Variants in ABHD11 observed in about 807,000 individuals in gnomAD.
ABHD11 encodes the protein sn-1-specific diacylglycerol lipase ABHD11.
Under a neutral mutation model 29.0 loss-of-function variants are expected in ABHD11, and 26 were observed. The ratio of observed to expected loss-of-function variants is 0.90; its 90% CI spans 0.66 to 1.24. The LOEUF is 1.24. Among genes scored for constraint, ABHD11 ranks in the 50% most tolerant of loss-of-function variants. ABHD11 has a pLI of 0.00. For missense variants in ABHD11, 381 were observed against 422.4 expected (o/e 0.90, Z 0.86); for synonymous variants, 169 against 166.4 (o/e 1.02, Z -0.12).
Position 73,736,543 on chromosome 7 carries a change from T to A in ABHD11, c.*16A>T, listed in dbSNP as rs1799888665. ...GCATGAGCCACCACGCCCGGCCATCTTCTTGCCAGCAACTCTTAGACCAGG... is the reference window on the plus strand; with the variant it reads ...GCATGAGCCACCACGCCCGGCCATCATCTTGCCAGCAACTCTTAGACCAGG... On this transcript the variant is annotated 3_prime_UTR_variant, in exon 6 of 6. Coordinates refer to ENST00000222800, the MANE Select transcript of ABHD11 (RefSeq NM_148912.4). The A allele has an allele frequency of 6.2e-7, 1 of 1,613,356 alleles. No individual in the cohort carries two copies. The highest frequency in any genetic ancestry group is 2.2e-5 in the East Asian group (1 of 44,872).
intron 3 of ABHD11, 65 bp from the exon 4 acceptor site, chr7:73,737,456 T>TG: frequency 6.4e-7 from 1 of 1,570,224 alleles, no homozygotes. Flanking sequence ...GCATGGCTCC[T>TG]GGAGCCTGAA....
chr7:73,738,272 A>G (rs1554622695), intron 2 of ABHD11, 56 bp downstream of exon 2: 2 of 1,362,258 alleles, frequency 1.5e-6, no homozygotes, highest in African/African-American at 1.5e-5. Flanking sequence ...GCCTCCTCTC[A>G]GGCCCCGCCC....
chr7:73,738,631 G>C lies in ABHD11; in HGVS notation c.125+15C>G. 6.3e-7 allele frequency: 1 copy of C among 1,588,758 alleles called. No individual in the cohort carries two copies. Among genetic ancestry groups the C allele is most frequent in the Non-Finnish European group, 8.5e-7 (1 of 1,170,124 alleles). On this transcript the variant is annotated intron_variant, in intron 1 of 5. Coordinates refer to ENST00000222800, the MANE Select transcript of ABHD11 (RefSeq NM_148912.4). ...AGGACAGAGGATGGCCTCCCGCCCG[G>C]TGCCCTTGACTGACCTCGGCTCGGC... is the stretch of plus-strand genomic sequence containing the variant.
At chr7:73,738,494 G>A (rs782572217) in intron 1 of ABHD11, 31 bp from the exon 2 acceptor site, 8 of 1,598,302 alleles carry the variant, frequency 5.0e-6, no homozygotes, top group South Asian at 2.2e-5. Context: ...GTCAGAGTCT[G>A]AGCCGGCGGA....
Position 73,737,115 on chromosome 7 carries a change from G to A in ABHD11, c.607-5C>T. The stretch of plus-strand genomic sequence containing the variant: ...GTGCTGCCGCACGGCCATGTCCTGT[G>A]GGGGTGCAGCAGTTGGGGGAGGTTC... On this transcript the variant is annotated splice_region_variant and splice_polypyrimidine_tract_variant and intron_variant, in intron 4 of 5. Transcript: ENST00000222800. 1 of 1,613,804 alleles carries A rather than the reference G, an allele frequency of 6.2e-7. No homozygotes were observed. Among genetic ancestry groups the A allele is most frequent in the Non-Finnish European group, 8.5e-7 (1 of 1,180,022 alleles).
In ABHD11 at chr7:73,736,472, T is replaced by G; in HGVS notation, c.*87A>C. Reference sequence around the variant, plus strand: ...CCAGGCTGGTCTCCAACTCCTGGCCTCAAGTCATCCTCCCGCCTTAGCCTC... The same window carrying G: ...CCAGGCTGGTCTCCAACTCCTGGCCGCAAGTCATCCTCCCGCCTTAGCCTC... On this transcript the variant is annotated 3_prime_UTR_variant, in exon 6 of 6. Coordinates refer to ENST00000222800, the MANE Select transcript of ABHD11 (RefSeq NM_148912.4). 1 of 1,555,978 alleles carries G rather than the reference T, an allele frequency of 6.4e-7. No homozygotes were observed. The highest frequency in any genetic ancestry group is 8.7e-7 in the Non-Finnish European group (1 of 1,146,324).
Position 73,737,371 on chromosome 7 carries a change from G to A in ABHD11, c.456C>T (p.Leu152=). 3 of 1,612,984 alleles carry A rather than the reference G, an allele frequency of 1.9e-6. No homozygotes were observed. The highest frequency in any genetic ancestry group is 1.3e-5 in the African/African-American group (1 of 75,044). The change falls in exon 4 of 6, where the codon CTC becomes CTT. Residue 152 remains leucine, a synonymous_variant. Transcript: ENST00000222800. ...ALQRPELVER[L]IAVDISPVES... ...CCACTGGGCTGATATCTACAGCAAT[G>A]AGACGTTCCACCAGCTCTGGCTGTG... is the stretch of plus-strand genomic sequence containing the variant.
intron 2 of ABHD11, 38 bp downstream of exon 2, chr7:73,738,290 C>T (rs370838603): frequency 6.3e-7 from 1 of 1,581,330 alleles, no homozygotes; most frequent in Non-Finnish European, 8.6e-7. Context: ...CCCACTCCCG[C>T]CCAGCCCCAA....
intron 5 of ABHD11, 29 bp from the exon 6 acceptor site, chr7:73,736,720 A>G (rs781809136): frequency 1.2e-6 from 2 of 1,612,706 alleles, no homozygotes; most frequent in African/African-American, 2.7e-5. Flanking sequence ...GCCATCAAAA[A>G]CGGGTGAAAG....
At chr7:73,738,210 T>A in intron 2 of ABHD11, 118 bp downstream of exon 2, 2 of 1,439,506 alleles carry the variant, frequency 1.4e-6, no homozygotes, top group East Asian at 2.5e-5. Flanking sequence ...GGGTCCATAC[T>A]CAGAGTGAGG....
chr7:73,738,257 G>T, intron 2 of ABHD11, 71 bp downstream of exon 2: 1 of 1,336,032 alleles, frequency 7.5e-7, no homozygotes, highest in Non-Finnish European at 1.0e-6. Context: ...GACCCCCCCT[G>T]CCCCGCCTCC....
Position 73,736,383 on chromosome 7 carries a change from G to A in ABHD11, c.*176C>T, listed in dbSNP as rs560474265. ...GCCTCCAGAGTAGCTGGGATTACAG[G>A]TGTGCACCACCACGCCAGGCTAATT... On this transcript the variant is annotated 3_prime_UTR_variant, in exon 6 of 6. Transcript: ENST00000222800. 478 of 750,792 alleles carry A rather than the reference G, an allele frequency of 6.4e-4. 5 individuals are homozygous for A. The highest frequency in any genetic ancestry group is 5.4e-3 in the South Asian group (307 of 57,374). 46.5% of individuals were successfully genotyped at this position (750,792 alleles called of 1,614,324 possible). A position where few individuals can be genotyped will look rare whatever the true frequency, so the allele number is the denominator to read the frequency against.
In ABHD11 at chr7:73,738,739, G is replaced by A. The variant is rs782262790; in HGVS notation, c.32C>T (p.Pro11Leu). ...GCCGTGGGGGCCGAGTCCCTCACGC[G>A]GGAGCCTCCAGGCTCGGGTCCAGCG... Reference protein sequence around the residue: MLRWTRAWRLPREGLGPHGPS... With the variant: MLRWTRAWRLLREGLGPHGPS... The change falls in exon 1 of 6, where the codon CCG becomes CTG. Residue 11 changes from proline to leucine, a missense_variant. Transcript: ENST00000222800. 1 of 1,609,958 alleles carries A rather than the reference G, an allele frequency of 6.2e-7. No individual in the cohort carries two copies.
Position 73,737,271 on chromosome 7 carries a change from G to T in ABHD11, c.556C>A (p.Arg186Ser). 1.2e-6 allele frequency: 2 copies of T among 1,614,078 alleles called. No individual in the cohort carries two copies. Among genetic ancestry groups the T allele is most frequent in the Non-Finnish European group, 1.7e-6 (2 of 1,180,020 alleles). The change falls in exon 4 of 6, where the codon CGC (arginine) becomes AGC (serine). Residue 186 changes from arginine to serine, a missense_variant. Arg to Ser is a moderately radical substitution (Grantham distance 110). Transcript: ENST00000222800. Reference sequence around the variant, plus strand: ...TCCGCCAGTTTTCGGGCACGGGAGCGGGGCAGCTCATCTGCGATGTTGATG... The same window carrying T: ...TCCGCCAGTTTTCGGGCACGGGAGCTGGGCAGCTCATCTGCGATGTTGATG... ...RAINIADELP[R>S]SRARKLADEQ...
intron 3 of ABHD11, 45 bp downstream of exon 3, chr7:73,737,517 G>A (rs1554622317): frequency 1.3e-6 from 2 of 1,569,856 alleles, no homozygotes; most frequent in East Asian, 2.2e-5. Context: ...AGGGCCCTCA[G>A]GGTATATACT....
intron 5 of ABHD11, 113 bp from the exon 6 acceptor site, chr7:73,736,804 T>C: frequency 4.4e-6 from 7 of 1,578,512 alleles, no homozygotes; most frequent in Middle Eastern, 2.1e-4. Context: ...TGAGCCCATA[T>C]GCCCGGTGGT....
At chr7:73,737,757 G>A (rs1264976846) in intron 2 of ABHD11, 22 bp from the exon 3 acceptor site, 1 of 1,595,592 alleles carries the variant, frequency 6.3e-7, no homozygotes, top group African/African-American at 1.3e-5. Context: ...GGTGAGACGG[G>A]GCTGCGTTGA....
chr7:73,738,335 C>A lies in ABHD11; in HGVS notation c.254G>T (p.Gly85Val). The A allele has an allele frequency of 6.3e-7, 1 of 1,575,208 alleles. No individual in the cohort carries two copies. Among genetic ancestry groups the A allele is most frequent in the East Asian group, 2.4e-5 (1 of 41,758 alleles). The change falls in exon 2 of 6, where the codon GGC (glycine) becomes GTC (valine). Residue 85 changes from glycine to valine, a missense_variant. By Grantham distance (109) the Gly-to-Val change is moderately radical. Coordinates refer to ENST00000222800, the MANE Select transcript of ABHD11 (RefSeq NM_148912.4). ...SIAKILAQQT[G>V]RRVLTVDARN... ...GCCCACTCGAAAGCTCACCCTACGG[C>A]CTGTCTGCTGGGCCAAGATCTTGGC...
intron 2 of ABHD11, 76 bp downstream of exon 2, chr7:73,738,252 C>T: frequency 7.3e-7 from 1 of 1,370,730 alleles, no homozygotes; most frequent in Non-Finnish European, 1.0e-6. Context: ...AGCGGGACCC[C>T]CCCTGCCCCG....
Sources: gnomAD v4.1 joint callset for allele counts on GRCh38, gnomAD v4.1.1 for gene constraint, MANE v1.5 for transcripts, NCBI Gene and HGNC (gene_info 2026-07-23, HGNC 2026-07-21) for gene names.